Variants in SYT1 observed in about 807,000 individuals in gnomAD.
SYT1 encodes synaptotagmin-1.
SYT1 carries 8 observed loss-of-function variants against 44.8 expected under a neutral mutation model. The ratio of observed to expected loss-of-function variants is 0.18; its 90% CI spans 0.10 to 0.32. SYT1 has a LOEUF of 0.32. SYT1 is among the 10% of genes least tolerant of loss of function. SYT1 has a pLI of 1.00. For synonymous variants in SYT1, 154 were observed against 188.8 expected (o/e 0.82, Z 1.51); for missense variants, 286 against 509.3 (o/e 0.56, Z 4.22).
At chr12:79,178,943 G>GATATATCT (rs1176256772) in intron 3 of SYT1, among the ~76,000 whole-genome samples, 4 of 55,244 alleles carry the variant, frequency 7.2e-5, no homozygotes, top group African/African-American at 3.3e-4. Flanking sequence ...TATAGATATA[G>GATATATCT]ATATAGATAT....
At chr12:79,001,377 T>C (rs541085190) in intron 2 of SYT1, among the ~76,000 whole-genome samples, 2 of 152,292 alleles carry the variant, frequency 1.3e-5, no homozygotes, top group South Asian at 4.1e-4. Flanking sequence ...TTCCTATTAT[T>C]AATTGGATTC....
chr12:79,139,631 C>T (rs546941564), intron 3 of SYT1, among the ~76,000 whole-genome samples: 16 of 152,118 alleles, frequency 1.1e-4, no homozygotes, highest in Non-Finnish European at 1.8e-4. Context: ...TGATGACATC[C>T]TCCTTCTATA....
chr12:78,940,280 C>T (rs1404161083), intron 1 of SYT1, among the ~76,000 whole-genome samples: 8 of 152,034 alleles, frequency 5.3e-5, no homozygotes, highest in African/African-American at 1.4e-4. Context: ...ATTTCAATTC[C>T]CTATTCCAAC....
intron 1 of SYT1, among the ~76,000 whole-genome samples, chr12:78,891,663 C>T (rs1875057101): frequency 6.6e-6 from 1 of 151,862 alleles, no homozygotes; most frequent in South Asian, 2.1e-4. Context: ...AAACTTAAGA[C>T]ACCTCAGAAC....
intron 4 of SYT1, among the ~76,000 whole-genome samples, chr12:79,242,292 C>A (rs888276616): frequency 6.6e-6 from 1 of 152,166 alleles, no homozygotes; most frequent in South Asian, 2.1e-4. Flanking sequence ...GAGAATGTCC[C>A]TTAACAAGAA....
At chr12:79,025,459 C>T (rs1252549909) in intron 2 of SYT1, among the ~76,000 whole-genome samples, 2 of 151,566 alleles carry the variant, frequency 1.3e-5, no homozygotes, top group Non-Finnish European at 3.0e-5. Flanking sequence ...CCATGAGAAA[C>T]TAAGTTTAGT....
chr12:79,013,202 C>G (rs935017406), intron 2 of SYT1, among the ~76,000 whole-genome samples: 8 of 151,938 alleles, frequency 5.3e-5, no homozygotes, highest in African/African-American at 1.9e-4. Flanking sequence ...TTAATATCAC[C>G]TTAACTAGAC....
At chr12:78,893,206 G>A (rs1042934279) in intron 1 of SYT1, among the ~76,000 whole-genome samples, 4 of 151,642 alleles carry the variant, frequency 2.6e-5, no homozygotes, top group Non-Finnish European at 4.4e-5. Flanking sequence ...TAAATGACAG[G>A]CTACATTTTT....
chr12:79,418,495 C>A (rs1333757103), intron 9 of SYT1, among the ~76,000 whole-genome samples: 2 of 152,110 alleles, frequency 1.3e-5, no homozygotes, highest in Non-Finnish European at 2.9e-5. Context: ...AGAGCCCGAA[C>A]CTGTTAGACA....
intron 2 of SYT1, among the ~76,000 whole-genome samples, chr12:79,010,541 TTAAA>T (rs925573581): frequency 6.6e-6 from 1 of 152,148 alleles, no homozygotes; most frequent in Admixed American, 6.6e-5. Context: ...CCCTCACTTA[TTAAA>T]TAAAGCCCAC....
At chr12:79,230,768 T>C (rs1339612807) in intron 4 of SYT1, among the ~76,000 whole-genome samples, 1 of 152,164 alleles carries the variant, frequency 6.6e-6, no homozygotes, top group African/African-American at 2.4e-5. Context: ...AGCCACCAAG[T>C]AAATTAAAAT....
chr12:79,314,092 C>A (rs188895487), intron 8 of SYT1, among the ~76,000 whole-genome samples: 1,762 of 146,530 alleles, frequency 0.012, 21 homozygotes, highest in Non-Finnish European at 0.018. Flanking sequence ...TGGCGTGAAC[C>A]CGGGAGGCGG....
chr12:79,146,085 G>C (rs975180068), intron 3 of SYT1, among the ~76,000 whole-genome samples: 1 of 152,166 alleles, frequency 6.6e-6, no homozygotes, highest in African/African-American at 2.4e-5. Context: ...TCCTGTGGAG[G>C]AGAGGGAAAA....
At chr12:79,437,211 C>T (rs1484029815) in intron 9 of SYT1, among the ~76,000 whole-genome samples, 3 of 152,030 alleles carry the variant, frequency 2.0e-5, no homozygotes, top group Non-Finnish European at 2.9e-5. Flanking sequence ...AGTCCACAAG[C>T]CACTAAAGAG....
intron 9 of SYT1, among the ~76,000 whole-genome samples, chr12:79,385,483 G>A (rs1884400919): frequency 6.6e-6 from 1 of 151,892 alleles, no homozygotes; most frequent in Non-Finnish European, 1.5e-5. Context: ...AAATCTGATT[G>A]CCCTAGTTAT....
chr12:79,427,578 TAGAA>T (rs1869524667), intron 9 of SYT1, among the ~76,000 whole-genome samples: 1 of 152,150 alleles, frequency 6.6e-6, no homozygotes. Context: ...GTCACACAAA[TAGAA>T]AGAATGAATT....
intron 3 of SYT1, among the ~76,000 whole-genome samples, chr12:79,053,105 C>A (rs1253599877): frequency 1.3e-5 from 2 of 152,088 alleles, no homozygotes; most frequent in Admixed American, 6.6e-5. Context: ...TTGGAACCAA[C>A]CCAAATGTCC....
intron 9 of SYT1, among the ~76,000 whole-genome samples, chr12:79,419,479 G>T (rs1868968607): frequency 6.6e-6 from 1 of 152,148 alleles, no homozygotes; most frequent in African/African-American, 2.4e-5. Flanking sequence ...GAAGTTGCCA[G>T]ATAATGGGAT....
intron 3 of SYT1, among the ~76,000 whole-genome samples, chr12:79,123,376 G>T (rs1325005034): frequency 6.8e-6 from 1 of 147,716 alleles, no homozygotes. Context: ...CAGAAATCAG[G>T]TAAGCAAGTC....
Sources: allele counts gnomAD v4.1 joint callset (sites outside exome capture counted in the v4.1 genomes callset), GRCh38; gene constraint gnomAD v4.1.1; transcripts MANE v1.5; gene names NCBI Gene and HGNC (gene_info 2026-07-23, HGNC 2026-07-21).